TSHZ3: variants seen among roughly 807,000 people sequenced by gnomAD.
The protein encoded by TSHZ3 is teashirt zinc finger homeobox 3, also known as teashirt homolog 3.
In TSHZ3, 10 loss-of-function variants were observed where a neutral mutation model predicts 64.5. The ratio of observed to expected loss-of-function variants is 0.16; its 90% CI spans 0.10 to 0.26. The LOEUF (loss-of-function observed/expected upper bound fraction) is 0.26, where lower values mean the gene tolerates loss of function less well. Ranked by LOEUF, TSHZ3 falls within the 10% of genes least tolerant of loss-of-function variation. The probability of loss-of-function intolerance (pLI) is 1.00; values close to 1 mark genes in which losing one functional copy is unlikely to be tolerated. For missense variants in TSHZ3, 1,242 were observed against 1,421.7 expected, an observed-to-expected ratio of 0.87 and a Z score of 2.03; for synonymous variants, 608 against 593.1, an observed-to-expected ratio of 1.03 and a Z score of -0.36.
intron 1 of TSHZ3, among the ~76,000 whole-genome samples, chr19:31,339,813 G>T (rs982677226): frequency 5.9e-5 from 9 of 151,782 alleles, no homozygotes; most frequent in African/African-American, 2.2e-4. Flanking sequence ...AAAAGGGGGG[G>T]GCGTTCTGCT....
intron 5 of TSHZ3, among the ~76,000 whole-genome samples, chr19:31,200,953 C>T (rs903966730): frequency 6.6e-6 from 1 of 151,870 alleles, no homozygotes; most frequent in Non-Finnish European, 1.5e-5. Flanking sequence ...TCAAATACCA[C>T]ATATTAAACT....
At chr19:31,274,922 A>G (rs1976200948), downstream of TSHZ3, 1 of 152,318 alleles carries the variant, frequency 6.6e-6, no homozygotes, top group Admixed American at 6.6e-5. Context: ...CATTTCAGAC[A>G]TAATTGTGAA....
intron 1 of TSHZ3, among the ~76,000 whole-genome samples, chr19:31,343,438 A>G (rs1473892593): frequency 1.3e-5 from 2 of 152,150 alleles, no homozygotes; most frequent in Non-Finnish European, 2.9e-5. Context: ...AATTAAACCC[A>G]AGAATCTAAA....
At chr19:31,158,046 T>C (rs1974328557) in intron 5 of TSHZ3, among the ~76,000 whole-genome samples, 1 of 152,154 alleles carries the variant, frequency 6.6e-6, no homozygotes, top group Admixed American at 6.5e-5. Flanking sequence ...AAATAAATAA[T>C]TGGGATTGAG....
chr19:31,295,297 A>G (rs1976643428), intron 1 of TSHZ3, among the ~76,000 whole-genome samples: 1 of 152,222 alleles, frequency 6.6e-6, no homozygotes, highest in African/African-American at 2.4e-5. Flanking sequence ...TGGCAATTCT[A>G]TTCCTAGATC....
intron 5 of TSHZ3, among the ~76,000 whole-genome samples, chr19:31,188,696 T>C (rs560540910): frequency 6.6e-5 from 10 of 151,982 alleles, no homozygotes; most frequent in Non-Finnish European, 1.5e-4. Context: ...TTTTTATGTA[T>C]ATTTTGTTAA....
At chr19:31,304,777 C>T (rs1976811678) in intron 1 of TSHZ3, among the ~76,000 whole-genome samples, 1 of 152,154 alleles carries the variant, frequency 6.6e-6, no homozygotes, top group Non-Finnish European at 1.5e-5. Flanking sequence ...TATTTCCATA[C>T]CAGTTAATTA....
At chr19:31,176,035 A>AG (rs1182717702) in intron 5 of TSHZ3, among the ~76,000 whole-genome samples, 3 of 152,206 alleles carry the variant, frequency 2.0e-5, no homozygotes, top group Admixed American at 6.5e-5. Flanking sequence ...CTTGGGTCTG[A>AG]GGGGAAAGTT....
At chr19:31,215,726 C>T (rs1975317886) in intron 4 of TSHZ3, among the ~76,000 whole-genome samples, 1 of 152,016 alleles carries the variant, frequency 6.6e-6, no homozygotes, top group Non-Finnish European at 1.5e-5. Context: ...AAAAAATTAG[C>T]CGGGCATAGT....
intron 5 of TSHZ3, among the ~76,000 whole-genome samples, chr19:31,179,192 G>A (rs1974660796): frequency 6.6e-6 from 1 of 152,102 alleles, no homozygotes; most frequent in South Asian, 2.1e-4. Flanking sequence ...AACACTCCAG[G>A]GCTATCAGCA....
chr19:31,169,274 C>T (rs751096465), intron 5 of TSHZ3, among the ~76,000 whole-genome samples: 16 of 152,206 alleles, frequency 1.1e-4, no homozygotes, highest in East Asian at 1.9e-4. Context: ...CCAGCAACTC[C>T]GCTATTGGGT....
Position 31,276,419 on chromosome 19 carries a change from A to G in TSHZ3, c.*128T>C. ...ACTGTACAGTTATACAAAACAGTCC[A>G]GCCCAGAGTGATTCTCTGCAGTTAA... On this transcript the variant is annotated 3_prime_UTR_variant, in exon 2 of 2. Transcript: ENST00000240587. 1.1e-6 allele frequency: 1 copy of G among 899,472 alleles called. No homozygotes were observed. The highest frequency in any genetic ancestry group is 1.7e-6 in the Non-Finnish European group (1 of 583,104). 55.7% of individuals were successfully genotyped at this position (899,472 alleles called of 1,614,324 possible).
chr19:31,271,773 C>T (rs1246335884), downstream of TSHZ3, among the ~76,000 whole-genome samples: 6 of 152,138 alleles, frequency 3.9e-5, no homozygotes, highest in East Asian at 1.2e-3. Context: ...ACTAATAAAT[C>T]CCCAGGGAGA....
chr19:31,313,745 G>C (rs1916524239), intron 1 of TSHZ3, among the ~76,000 whole-genome samples: 1 of 152,202 alleles, frequency 6.6e-6, no homozygotes, highest in Non-Finnish European at 1.5e-5. Context: ...AGGATCCTGG[G>C]ACTTGAAGGA....
intron 1 of TSHZ3, among the ~76,000 whole-genome samples, chr19:31,280,967 T>C (rs530709698): frequency 6.6e-6 from 1 of 152,130 alleles, no homozygotes; most frequent in East Asian, 1.9e-4. Context: ...CAGTGAGGAG[T>C]GGCCAGCCCT....
intron 1 of TSHZ3, among the ~76,000 whole-genome samples, chr19:31,288,790 G>A (rs73035723): frequency 0.065 from 9,962 of 152,186 alleles, 431 homozygotes; most frequent in Non-Finnish European, 0.1. Flanking sequence ...ATCCTCCAGC[G>A]TCGGCCTCCC....
intron 5 of TSHZ3, among the ~76,000 whole-genome samples, chr19:31,182,075 T>A (rs1974726720): frequency 6.6e-6 from 1 of 152,200 alleles, no homozygotes. Context: ...GAGAGCCGCA[T>A]GCTCTACATA....
intron 5 of TSHZ3, among the ~76,000 whole-genome samples, chr19:31,188,698 T>G (rs912775348): frequency 6.6e-5 from 10 of 151,962 alleles, no homozygotes; most frequent in Non-Finnish European, 1.5e-4. Flanking sequence ...TTTATGTATA[T>G]TTTGTTAAGA....
chr19:31,330,821 T>C (rs1452968701), intron 1 of TSHZ3, among the ~76,000 whole-genome samples: 1 of 151,818 alleles, frequency 6.6e-6, no homozygotes, highest in Admixed American at 6.6e-5. Context: ...CACTTCCTGT[T>C]GGCAGGGTCA....
Sources: allele counts gnomAD v4.1 joint callset (sites outside exome capture counted in the v4.1 genomes callset), GRCh38; gene constraint gnomAD v4.1.1; transcripts MANE v1.5; gene names NCBI Gene and HGNC (gene_info 2026-07-23, HGNC 2026-07-21).